Variants in DPP6 observed in about 807,000 individuals in gnomAD.
DPP6 encodes dipeptidyl peptidase like 6.
DPP6 carries 69 observed loss-of-function variants against 122.6 expected under a neutral mutation model. The ratio of observed to expected loss-of-function variants is 0.56; its 90% CI spans 0.46 to 0.69. The LOEUF (loss-of-function observed/expected upper bound fraction) is 0.69, where lower values mean the gene tolerates loss of function less well. Ranked by LOEUF, DPP6 falls within the 30% of genes least tolerant of loss-of-function variation. The pLI, the probability that DPP6 is intolerant of heterozygous loss-of-function variation, is 0.00. For synonymous variants in DPP6, 418 were observed against 433.1 expected, an observed-to-expected ratio of 0.97 and a Z score of 0.43; for missense variants, 928 against 1,116.9, an observed-to-expected ratio of 0.83 and a Z score of 2.41.
chr7:153,916,715 T>C (rs2129005676), intron 1 of DPP6, among the ~76,000 whole-genome samples: 1 of 152,250 alleles, frequency 6.6e-6, no homozygotes, highest in African/African-American at 2.4e-5. Context: ...CCTTCTTTTT[T>C]ATTTTTACAT....
At chr7:154,671,639 ATGTG>A (rs3837063) in intron 7 of DPP6, among the ~76,000 whole-genome samples, 3 of 151,554 alleles carry the variant, frequency 2.0e-5, no homozygotes, top group African/African-American at 7.3e-5. Flanking sequence ...GTGCATGCAT[ATGTG>A]TGTGTGTGTG....
At chr7:154,850,676 T>G (rs185252395) in intron 16 of DPP6, among the ~76,000 whole-genome samples, 1 of 152,342 alleles carries the variant, frequency 6.6e-6, no homozygotes, top group Admixed American at 6.5e-5. Flanking sequence ...TCGGTCTTGG[T>G]AGATTATATG....
chr7:153,841,330 A>C, the DPP6 span, among the ~76,000 whole-genome samples: 1 of 152,202 alleles, frequency 6.6e-6, no homozygotes, highest in Non-Finnish European at 1.5e-5. Context: ...TTTCACAAGG[A>C]AAGTCTCACC....
chr7:154,425,326 A>G (rs1817792985), intron 1 of DPP6, among the ~76,000 whole-genome samples: 1 of 152,230 alleles, frequency 6.6e-6, no homozygotes, highest in Non-Finnish European at 1.5e-5. Context: ...GTGGATTTGA[A>G]CCAGTAAAAT....
chr7:154,054,487 C>G (rs1309360028), intron 1 of DPP6, among the ~76,000 whole-genome samples: 2 of 152,090 alleles, frequency 1.3e-5, no homozygotes, highest in Admixed American at 1.3e-4. Context: ...TGCACACACA[C>G]AGGTACACAC....
intron 1 of DPP6, among the ~76,000 whole-genome samples, chr7:154,097,193 C>T (rs1249038699): frequency 2.0e-5 from 3 of 152,234 alleles, no homozygotes; most frequent in Non-Finnish European, 2.9e-5. Context: ...CAGCCAATTG[C>T]ATATCCACAG....
At chr7:154,327,157 CT>C (rs1215032485) in intron 1 of DPP6, among the ~76,000 whole-genome samples, 5 of 151,986 alleles carry the variant, frequency 3.3e-5, no homozygotes, top group African/African-American at 1.2e-4. Flanking sequence ...AAGATTTAGG[CT>C]TCCAGGCAAA....
At chr7:153,845,596 T>C in the DPP6 span, among the ~76,000 whole-genome samples, 3 of 152,068 alleles carry the variant, frequency 2.0e-5, no homozygotes, top group Non-Finnish European at 4.4e-5. Flanking sequence ...TAATTACTGA[T>C]ACACTGGAAT....
intron 21 of DPP6, chr7:154,884,612 T>TGCTCAC: frequency 9.3e-6 from 1 of 107,930 alleles, no homozygotes; most frequent in East Asian, 3.7e-4. Flanking sequence ...CACGATTACA[T>TGCTCAC]ACACATGCTC....
At chr7:153,861,430 A>G in the DPP6 span, among the ~76,000 whole-genome samples, 1 of 152,238 alleles carries the variant, frequency 6.6e-6, no homozygotes, top group Admixed American at 6.5e-5. Flanking sequence ...TGCATGTAGC[A>G]TATTCAAAAG....
intron 1 of DPP6, among the ~76,000 whole-genome samples, chr7:154,082,846 C>CTTTTTTT (rs1174987723): frequency 2.1e-4 from 22 of 106,258 alleles, no homozygotes; most frequent in East Asian, 8.1e-4. Context: ...TTTTCTTTTT[C>CTTTTTTT]TTTTTTTTTT....
chr7:154,305,179 C>T lies in DPP6; in HGVS notation c.244-141035C>T, dbSNP rs574094235. ...GCATCACTCGGGTCCCCTTCCTGCACCCAGCCGCCACTTGCCGGTTGCTAA... is the reference window on the plus strand; with the variant it reads ...GCATCACTCGGGTCCCCTTCCTGCATCCAGCCGCCACTTGCCGGTTGCTAA... On this transcript the variant is annotated intron_variant, in intron 1 of 25. Transcript: ENST00000377770. 1.2e-4 allele frequency: 118 copies of T among 996,484 alleles called. No individual in the cohort carries two copies. The African/African-American group carries it at 2.0e-3, about 17-fold the overall frequency. The allele number at this position is 996,484 out of a possible 1,614,324, so 61.7% of individuals were successfully genotyped here.
chr7:154,186,582 G>C lies in DPP6; in HGVS notation c.243+133519G>C, dbSNP rs559316559. Among the ~76,000 whole-genome samples, 7 of 152,314 alleles carry C rather than the reference G, an allele frequency of 4.6e-5. 1 individual carries two copies. Among genetic ancestry groups the C allele is most frequent in the Admixed American group, 3.9e-4 (6 of 15,306 alleles). ...CAAGTGCACAGAGGCAACTGACTTG[G>C]GGTCCCAAGCTAGTAGCACACAGGC... On this transcript the variant is annotated intron_variant, in intron 1 of 25. Coordinates refer to ENST00000377770, the MANE Select transcript of DPP6 (RefSeq NM_130797.4).
chr7:153,771,999 G>A, the DPP6 span, among the ~76,000 whole-genome samples: 1 of 152,132 alleles, frequency 6.6e-6, no homozygotes, highest in Non-Finnish European at 1.5e-5. Context: ...TTATAGCATG[G>A]TTAAAAGGTA....
At chr7:154,075,491 A>G (rs1803489189) in intron 1 of DPP6, among the ~76,000 whole-genome samples, 1 of 152,206 alleles carries the variant, frequency 6.6e-6, no homozygotes, top group African/African-American at 2.4e-5. Flanking sequence ...AAATGAATGA[A>G]ATAATGGCAT....
intron 1 of DPP6, among the ~76,000 whole-genome samples, chr7:153,989,238 A>T (rs1052065148): frequency 9.2e-5 from 12 of 130,158 alleles, no homozygotes; most frequent in African/African-American, 2.8e-4. Flanking sequence ...AGCGTGTCAC[A>T]GTGTGTGTCA....
chr7:154,873,827 T>A (rs965037093), intron 19 of DPP6, among the ~76,000 whole-genome samples: 1 of 86,262 alleles, frequency 1.2e-5, no homozygotes, highest in African/African-American at 4.2e-5. Context: ...CACACACGCA[T>A]ACATAAACAC....
chr7:154,063,669 C>G lies in DPP6; in HGVS notation c.243+10606C>G, dbSNP rs1305466947. On this transcript the variant is annotated intron_variant, in intron 1 of 25. Coordinates refer to ENST00000377770, the MANE Select transcript of DPP6 (RefSeq NM_130797.4). ...CTCTTCCCCCTCTGGCGCTTAGGAC[C>G]CCCATCCCAGCGGGGGGAGGCACCT... Among the ~76,000 whole-genome samples, 13 of 144,342 alleles carry G rather than the reference C, an allele frequency of 9.0e-5. 2 individuals are homozygous for G. The highest frequency in any genetic ancestry group is 2.9e-4 in the African/African-American group (11 of 38,028). 94.7% of individuals were successfully genotyped at this position (144,342 alleles called of 152,430 possible).
At chr7:154,748,728 C>T (rs1843158504) in intron 8 of DPP6, among the ~76,000 whole-genome samples, 1 of 152,270 alleles carries the variant, frequency 6.6e-6, no homozygotes, top group East Asian at 1.9e-4. Flanking sequence ...AGCAGGGCTT[C>T]GATGCCTTTT....
Sources: allele counts gnomAD v4.1 joint callset (sites outside exome capture counted in the v4.1 genomes callset), GRCh38; gene constraint gnomAD v4.1.1; transcripts MANE v1.5; gene names NCBI Gene and HGNC (gene_info 2026-07-23, HGNC 2026-07-21).